Variants in RAP1GAP2 observed in about 807,000 individuals in gnomAD.
The protein encoded by RAP1GAP2 is RAP1 GTPase activating protein 2, also known as rap1 GTPase-activating protein 2.
Under a neutral mutation model 95.0 loss-of-function variants are expected in RAP1GAP2, and 27 were observed. The ratio of observed to expected loss-of-function variants is 0.28; its 90% confidence interval spans 0.21 to 0.39. The LOEUF is 0.39. RAP1GAP2 is among the 10% of genes least tolerant of loss of function. The pLI is 1.00. For synonymous variants in RAP1GAP2, 373 were observed against 380.9 expected, an observed-to-expected ratio of 0.98 and a Z score of 0.24; for missense variants, 771 against 970.0, an observed-to-expected ratio of 0.79 and a Z score of 2.72.
chr17:2,883,979 G>A (rs2073395404), intron 2 of RAP1GAP2, among the ~76,000 whole-genome samples: 1 of 152,228 alleles, frequency 6.6e-6, no homozygotes, highest in South Asian at 2.1e-4. Context: ...ACCCACGTCA[G>A]TGTGAACTGT....
intron 8 of RAP1GAP2, among the ~76,000 whole-genome samples, chr17:2,979,005 A>T (rs7226257): frequency 0.077 from 11,289 of 145,764 alleles, 1,245 homozygotes; most frequent in African/African-American, 0.24. Context: ...AATAAAAAAA[A>T]TAAAAAAATT....
At chr17:2,762,466 C>T (rs1482494578) in intron 1 of RAP1GAP2, among the ~76,000 whole-genome samples, 5 of 145,888 alleles carry the variant, frequency 3.4e-5, no homozygotes, top group Admixed American at 1.4e-4. Context: ...GGCACGATCT[C>T]GGCTCACTGC....
chr17:2,787,043 C>T (rs538022957), intron 1 of RAP1GAP2, among the ~76,000 whole-genome samples: 105 of 150,436 alleles, frequency 7.0e-4, no homozygotes, highest in Non-Finnish European at 1.3e-3. Flanking sequence ...CTCCGCTTCC[C>T]GGGTTCAAGC....
Position 2,932,273 on chromosome 17 carries a change from C to T in RAP1GAP2, c.166-25486C>T, listed in dbSNP as rs371268780. On this transcript the variant is annotated intron_variant, in intron 3 of 24. Transcript: ENST00000254695. ...CTGGCTGGGGGTCTCTAGGCAGGAG[C>T]GTGTGGGAGCGGCCAAGTTCTGGAG... Among the ~76,000 whole-genome samples the T allele has an allele frequency of 2.7e-4, 41 of 152,122 alleles. 1 individual carries two copies. The East Asian group carries it at 6.6e-3, about 24-fold the overall frequency.
intron 3 of RAP1GAP2, among the ~76,000 whole-genome samples, chr17:2,953,463 A>T (rs1318015520): frequency 6.6e-6 from 1 of 152,182 alleles, no homozygotes; most frequent in East Asian, 1.9e-4. Context: ...AAGCAACATG[A>T]ATCTGTTGCT....
At chr17:2,945,958 T>A (rs2043684026) in intron 3 of RAP1GAP2, among the ~76,000 whole-genome samples, 1 of 151,848 alleles carries the variant, frequency 6.6e-6, no homozygotes, top group South Asian at 2.1e-4. Flanking sequence ...CCTGGGTAAT[T>A]TGTGTATATT....
At chr17:2,944,161 C>CAAAAAAAAAAAAAAAAAAACA (rs2043619598) in intron 3 of RAP1GAP2, among the ~76,000 whole-genome samples, 1 of 81,806 alleles carries the variant, frequency 1.2e-5, no homozygotes. Flanking sequence ...ACAGCAAAAC[C>CAAAAAAAAAAAAAAAAAAACA]AAAAAAAAAA....
At chr17:2,966,959 C>T (rs898730512) in intron 8 of RAP1GAP2, among the ~76,000 whole-genome samples, 2 of 152,162 alleles carry the variant, frequency 1.3e-5, no homozygotes, top group East Asian at 1.9e-4. Flanking sequence ...AGAAAAATGC[C>T]GGGCACGCAA....
At chr17:2,982,718 T>G (rs1388283715) in intron 10 of RAP1GAP2, among the ~76,000 whole-genome samples, 1 of 152,130 alleles carries the variant, frequency 6.6e-6, no homozygotes, top group Non-Finnish European at 1.5e-5. Flanking sequence ...CTAACTTAAC[T>G]ACCGGTTTGG....
chr17:2,893,441 A>G (rs1482534428), intron 2 of RAP1GAP2, among the ~76,000 whole-genome samples: 1 of 152,210 alleles, frequency 6.6e-6, no homozygotes, highest in Non-Finnish European at 1.5e-5. Flanking sequence ...GCTTCAGAAT[A>G]TCTCTATTTA....
chr17:2,843,467 A>G (rs7223273), intron 2 of RAP1GAP2, among the ~76,000 whole-genome samples: 94,558 of 151,372 alleles, frequency 0.62, 30,599 homozygotes, highest in African/African-American at 0.8. Flanking sequence ...TTGTATTTTT[A>G]GTAGAGACGG....
intron 2 of RAP1GAP2, among the ~76,000 whole-genome samples, chr17:2,846,182 C>G (rs1043729283): frequency 7.0e-6 from 1 of 142,264 alleles, no homozygotes; most frequent in African/African-American, 2.6e-5. Context: ...GACTCTGTCT[C>G]AATTGAAAAA....
At position 2,797,833 on chromosome 17, in the gene RAP1GAP2, G is replaced by T; in HGVS notation, c.44+1262G>T. 3 of 969,224 alleles carry T rather than the reference G, an allele frequency of 3.1e-6. No homozygotes were observed. Among genetic ancestry groups the T allele is most frequent in the Non-Finnish European group, 3.7e-6 (3 of 815,238 alleles). 60.0% of individuals were successfully genotyped at this position (969,224 alleles called of 1,614,324 possible). On this transcript the variant is annotated intron_variant, in intron 1 of 24. Transcript: ENST00000254695. This position sits in a 1 kb window ranked among gnomAD's most constrained non-coding sequence, Gnocchi z 5.6. ...CAGAGGACTTGGCTTCTGGTTGGGA[G>T]GGGTGTGTGTGTCTTGGCTGTGGGC... is the stretch of plus-strand genomic sequence containing the variant.
At position 2,796,899 on chromosome 17, in the gene RAP1GAP2, G is replaced by C. The variant is rs1488183534; in HGVS notation, c.44+328G>C. ...TCCCATGTATGTGTGTGCGTGTCTG[G>C]GATTATGTGTAAGTGTGTGTGTGCG... On this transcript the variant is annotated intron_variant, in intron 1 of 24. Coordinates refer to ENST00000254695, the MANE Select transcript of RAP1GAP2 (RefSeq NM_015085.5). The surrounding 1 kb of genome is among the most constrained non-coding windows in gnomAD (Gnocchi z 4.7). 6.6e-6 allele frequency among the ~76,000 whole-genome samples: 1 copy of C among 151,968 alleles called. No homozygotes were observed. Among genetic ancestry groups the C allele is most frequent in the African/African-American group, 2.4e-5 (1 of 41,320 alleles).
At chr17:2,917,633 G>C (rs1202328832) in intron 3 of RAP1GAP2, among the ~76,000 whole-genome samples, 1 of 152,118 alleles carries the variant, frequency 6.6e-6, no homozygotes, top group Non-Finnish European at 1.5e-5. Context: ...TCAAACTCCA[G>C]ATCTCAGGTG....
At chr17:2,885,652 C>T (rs1317322694) in intron 2 of RAP1GAP2, among the ~76,000 whole-genome samples, 2 of 152,222 alleles carry the variant, frequency 1.3e-5, no homozygotes, top group Admixed American at 1.3e-4. Context: ...GGGGCTGAAG[C>T]AGTGCCTTTT....
rs547407069 is a variant in RAP1GAP2, at chr17:3,008,461, A to T, written c.1494+316A>T. Among the ~76,000 whole-genome samples the T allele has an allele frequency of 1.1e-4, 16 of 152,326 alleles. No individual in the cohort carries two copies. In the South Asian group the frequency reaches 3.3e-3, roughly 32 times the overall value. On this transcript the variant is annotated intron_variant, in intron 17 of 24. Coordinates refer to ENST00000254695, the MANE Select transcript of RAP1GAP2 (RefSeq NM_015085.5). This position sits in a 1 kb window ranked among gnomAD's most constrained non-coding sequence, Gnocchi z 4.2. ...AGAGGAGCTGGAGCAAGCCAGGAAC[A>T]TCGGCGCTTTCACCTGCCTCCTCCT...
chr17:2,945,800 A>G (rs1048142504), intron 3 of RAP1GAP2, among the ~76,000 whole-genome samples: 1 of 140,090 alleles, frequency 7.1e-6, no homozygotes, highest in Non-Finnish European at 1.6e-5. Context: ...TTTTATTATT[A>G]TTTTTTTTGA....
chr17:2,819,591 A>C (rs572153638), intron 2 of RAP1GAP2, among the ~76,000 whole-genome samples: 127 of 151,570 alleles, frequency 8.4e-4, no homozygotes, highest in African/African-American at 3.0e-3. Flanking sequence ...CTCCTGCCTC[A>C]GCCTCCTGGG....
Sources: allele counts gnomAD v4.1 joint callset (sites outside exome capture counted in the v4.1 genomes callset), GRCh38; gene constraint gnomAD v4.1.1; non-coding constraint Gnocchi (gnomAD v3.1); transcripts MANE v1.5; gene names NCBI Gene and HGNC (gene_info 2026-07-23, HGNC 2026-07-21).